Variants in SLC5A4 observed in about 807,000 individuals in gnomAD.
SLC5A4 encodes the protein solute carrier family 5 member 4.
In SLC5A4, 55 loss-of-function variants were observed where a neutral mutation model predicts 70.3. That is an observed-to-expected ratio of 0.78 (90% CI 0.63 to 0.98). The LOEUF is 0.98. Ranked by LOEUF, SLC5A4 falls within the 50% of genes least tolerant of loss-of-function variation. SLC5A4 has a pLI of 0.00. For missense variants in SLC5A4, 735 were observed against 839.2 expected, an observed-to-expected ratio of 0.88 and a Z score of 1.53; for synonymous variants, 268 against 305.7, an observed-to-expected ratio of 0.88 and a Z score of 1.29.
intron 4 of SLC5A4, 61 bp from the exon 5 acceptor site, chr22:32,247,576 AT>A: frequency 9.3e-7 from 1 of 1,073,378 alleles, no homozygotes; most frequent in South Asian, 1.3e-5. Flanking sequence ...CGTTCAGATT[AT>A]TCAGCATTTC....
At chr22:32,328,044 CGT>C in the SLC5A4 span, among the ~76,000 whole-genome samples, 4 of 151,628 alleles carry the variant, frequency 2.6e-5, no homozygotes, top group Non-Finnish European at 5.9e-5. Flanking sequence ...ATTCACAAGC[CGT>C]GTGACCTTGG....
chr22:32,295,514 T>C, the SLC5A4 span, among the ~76,000 whole-genome samples: 2 of 109,004 alleles, frequency 1.8e-5, 1 homozygote, highest in African/African-American at 6.7e-5. Context: ...GGGGTTTTTT[T>C]CTTGTAAATT....
chr22:32,236,694 T>C (rs1224254513), intron 7 of SLC5A4, among the ~76,000 whole-genome samples: 1 of 151,970 alleles, frequency 6.6e-6, no homozygotes, highest in Non-Finnish European at 1.5e-5. Flanking sequence ...AGATAACTTA[T>C]CTAAGCAGTA....
At chr22:32,342,752 C>T in the SLC5A4 span, among the ~76,000 whole-genome samples, 1 of 152,196 alleles carries the variant, frequency 6.6e-6, no homozygotes, top group Non-Finnish European at 1.5e-5. Flanking sequence ...GATTCCCAAA[C>T]ATGCCAGCTA....
intron 8 of SLC5A4, 114 bp downstream of exon 8, chr22:32,234,759 G>T: frequency 1.2e-6 from 1 of 834,276 alleles, no homozygotes; most frequent in Non-Finnish European, 2.0e-6. Flanking sequence ...CGATGTGTGT[G>T]CAAAATGGAA....
chr22:32,339,199 CGT>C, the SLC5A4 span, among the ~76,000 whole-genome samples: 4 of 152,280 alleles, frequency 2.6e-5, no homozygotes, highest in Admixed American at 1.3e-4. Context: ...GTCGTAGCTG[CGT>C]GTGAGTGGGA....
At chr22:32,328,458 T>C in the SLC5A4 span, among the ~76,000 whole-genome samples, 2 of 152,232 alleles carry the variant, frequency 1.3e-5, no homozygotes, top group Non-Finnish European at 2.9e-5. Flanking sequence ...GAACTCTCTC[T>C]CCCAGAGCCC....
chr22:32,271,437 C>A, the SLC5A4 span: 20 of 768,430 alleles, frequency 2.6e-5, no homozygotes, highest in South Asian at 1.8e-4. Flanking sequence ...GGCCTTCCCC[C>A]ACGACTCTCG....
chr22:32,314,444 A>C, the SLC5A4 span, among the ~76,000 whole-genome samples: 1 of 152,320 alleles, frequency 6.6e-6, no homozygotes, highest in East Asian at 1.9e-4. Context: ...ATGAACCAAG[A>C]ATTTAAAGCC....
the SLC5A4 span, among the ~76,000 whole-genome samples, chr22:32,309,748 C>G: frequency 1.3e-5 from 2 of 152,102 alleles, no homozygotes; most frequent in Non-Finnish European, 2.9e-5. Context: ...GGGCCGTGAC[C>G]CCCTGGCACC....
At chr22:32,272,773 A>G in the SLC5A4 span, 2 of 508,124 alleles carry the variant, frequency 3.9e-6, no homozygotes, top group South Asian at 3.4e-5. Context: ...CTCAGCAAAA[A>G]GTCAGTGGTG....
chr22:32,310,513 GGGGGGTGCCCT>G, the SLC5A4 span, among the ~76,000 whole-genome samples: 87,348 of 151,954 alleles, frequency 0.57, 25,183 homozygotes, highest in East Asian at 0.66. Context: ...ACATGGGCCT[GGGGGGTGCCCT>G]GGGATTGCTC....
At chr22:32,331,082 G>A in the SLC5A4 span, among the ~76,000 whole-genome samples, 27 of 110,748 alleles carry the variant, frequency 2.4e-4, no homozygotes, top group South Asian at 8.3e-3. Flanking sequence ...TGTGTTGAAG[G>A]CTCTGGTGTG....
At chr22:32,218,833 G>A (rs1924883985) in intron 14 of SLC5A4, 108 bp from the exon 15 acceptor site, 1 of 765,916 alleles carries the variant, frequency 1.3e-6, no homozygotes, top group Non-Finnish European at 2.1e-6. Flanking sequence ...CAATCAGCTG[G>A]GAGTGTTAAG....
chr22:32,307,835 CCTGA>C, the SLC5A4 span, among the ~76,000 whole-genome samples: 5 of 152,150 alleles, frequency 3.3e-5, no homozygotes, highest in Non-Finnish European at 5.9e-5. Context: ...CCAGGCATGG[CCTGA>C]CTGTCCCAAT....
chr22:32,310,106 C>T, the SLC5A4 span, among the ~76,000 whole-genome samples: 1 of 151,558 alleles, frequency 6.6e-6, no homozygotes, highest in South Asian at 2.1e-4. Flanking sequence ...AAGGAATGTC[C>T]TCCTAGAAGG....
chr22:32,282,954 A>C, the SLC5A4 span, among the ~76,000 whole-genome samples: 2 of 152,186 alleles, frequency 1.3e-5, no homozygotes, highest in Non-Finnish European at 2.9e-5. Flanking sequence ...TGCTCTCAGC[A>C]CTGCAGTCAG....
chr22:32,232,181 T>C (rs1050642958), intron 9 of SLC5A4, among the ~76,000 whole-genome samples: 2 of 152,196 alleles, frequency 1.3e-5, no homozygotes, highest in Admixed American at 1.3e-4. Context: ...TTTACCCTTA[T>C]AAACATTACA....
chr22:32,344,330 T>G, the SLC5A4 span, among the ~76,000 whole-genome samples: 1 of 152,308 alleles, frequency 6.6e-6, no homozygotes, highest in African/African-American at 2.4e-5. Context: ...AATATAAGAA[T>G]ACATACGCAC....
Sources: gnomAD v4.1 joint callset for allele counts (sites outside exome capture counted in the v4.1 genomes callset) on GRCh38, gnomAD v4.1.1 for gene constraint, MANE v1.5 for transcripts, NCBI Gene and HGNC (gene_info 2026-07-23, HGNC 2026-07-21) for gene names.